The following SLC16A4 variants were observed in gnomAD, a reference collection of about 807,000 sequenced individuals.
The protein encoded by SLC16A4 is solute carrier family 16 member 4, also known as probable monocarboxylate transporter 5.
SLC16A4 carries 39 observed loss-of-function variants against 47.9 expected under a neutral mutation model. That is an observed-to-expected ratio of 0.81 (90% confidence interval 0.63 to 1.06). The LOEUF (loss-of-function observed/expected upper bound fraction) is 1.06, where lower values mean the gene tolerates loss of function less well. Among genes scored for constraint, SLC16A4 ranks in the 50% least tolerant of loss-of-function variants. The probability of loss-of-function intolerance (pLI) is 0.00; values close to 1 mark genes in which losing one functional copy is unlikely to be tolerated. For synonymous variants in SLC16A4, 189 were observed against 199.9 expected, an observed-to-expected ratio of 0.95 and a Z score of 0.46; for missense variants, 524 against 573.8, an observed-to-expected ratio of 0.91 and a Z score of 0.89.
chr1:110,364,869 C>T (rs1485900301), intron 8 of SLC16A4, among the ~76,000 whole-genome samples: 1 of 151,414 alleles, frequency 6.6e-6, no homozygotes, highest in Non-Finnish European at 1.5e-5. Context: ...GCTAATGGCA[C>T]ATACTAAAAC....
At chr1:110,376,386 A>C (rs1662002695) in intron 7 of SLC16A4, among the ~76,000 whole-genome samples, 1 of 152,200 alleles carries the variant, frequency 6.6e-6, no homozygotes. Flanking sequence ...TTCTAAGGAG[A>C]ACCCATGAGA....
At chr1:110,388,999 C>T (rs965680913) in intron 2 of SLC16A4, among the ~76,000 whole-genome samples, 2 of 152,242 alleles carry the variant, frequency 1.3e-5, no homozygotes, top group African/African-American at 4.8e-5. Flanking sequence ...TGTGAGCCCC[C>T]ACACCCAGCC....
chr1:110,372,661 T>C (rs1448176893), intron 8 of SLC16A4: 1 of 152,226 alleles, frequency 6.6e-6, no homozygotes, highest in African/African-American at 2.4e-5. Flanking sequence ...TGGCACAGCA[T>C]TGCAGTTAGA....
chr1:110,387,140 A>C (rs746059314), intron 2 of SLC16A4, among the ~76,000 whole-genome samples: 25 of 152,090 alleles, frequency 1.6e-4, no homozygotes, highest in Admixed American at 3.3e-4. Flanking sequence ...CCATCCATCT[A>C]TCCATCCACC....
chr1:110,374,158 G>C (rs983997781), intron 8 of SLC16A4, among the ~76,000 whole-genome samples: 8 of 152,090 alleles, frequency 5.3e-5, no homozygotes, highest in African/African-American at 1.9e-4. Context: ...TCCTGCCTCA[G>C]CCTCCCAAGT....
chr1:110,388,335 G>A (rs1662843684), intron 2 of SLC16A4, among the ~76,000 whole-genome samples: 2 of 152,282 alleles, frequency 1.3e-5, no homozygotes, highest in African/African-American at 4.8e-5. Context: ...AGTTGCTTAT[G>A]GGTAAAGGAG....
chr1:110,383,590 T>C (rs1264154591), intron 2 of SLC16A4, among the ~76,000 whole-genome samples: 1 of 152,118 alleles, frequency 6.6e-6, no homozygotes, highest in Non-Finnish European at 1.5e-5. Flanking sequence ...ATGCAGGGCC[T>C]GCAAATTATC....
rs774890720 is a variant in SLC16A4, at chr1:110,379,182, T to G, written c.701A>C (p.Glu234Ala). ...ATETHCHETE[E>A]STIKDSTTQK... ...CGTAGTACTGTCCTTGATGGTAGAC[T>G]CTTCTGTCTCATGGCAGTGTGTTTC... Residue 234 changes from glutamate (E) to alanine (A), a missense_variant, in exon 6 of 9, where the codon GAG becomes GCG. Glu to Ala is a moderately radical substitution (Grantham distance 107). Transcript: ENST00000369779. 1.1e-4 allele frequency: 173 copies of G among 1,614,180 alleles called. 1 individual carries two copies. Among genetic ancestry groups the G allele is most frequent in the Non-Finnish European group, 1.4e-4 (168 of 1,180,006 alleles).
In SLC16A4 at chr1:110,368,032, G is replaced by A. The variant is rs1157534425; in HGVS notation, c.1337-4139C>T. Among the ~76,000 whole-genome samples the A allele has an allele frequency of 2.0e-5, 3 of 152,154 alleles. No homozygotes were observed. In the East Asian group the frequency reaches 5.8e-4, roughly 29 times the overall value. ...TTTAGTAGAGACAGGGTTTCACCAT[G>A]TTAGCCAGGATGGTCTCGATCTCCT... On this transcript the variant is annotated intron_variant, in intron 8 of 8. Coordinates refer to ENST00000369779, the MANE Select transcript of SLC16A4 (RefSeq NM_004696.3).
chr1:110,377,838 A>G (rs1004295115), intron 6 of SLC16A4, among the ~76,000 whole-genome samples: 1 of 151,902 alleles, frequency 6.6e-6, no homozygotes, highest in African/African-American at 2.4e-5. Context: ...TTATTTTATT[A>G]TTATTTTTTG....
rs1662484629 is a variant in SLC16A4, at chr1:110,382,842, A to T, written c.212T>A (p.Phe71Tyr). The change falls in exon 3 of 9, where the codon TTT (phenylalanine) becomes TAT (tyrosine). Residue 71 changes from phenylalanine to tyrosine, a missense_variant. Coordinates refer to ENST00000369779, the MANE Select transcript of SLC16A4 (RefSeq NM_004696.3). ...TATTGCCAGCTTTATACCTGCACAA[A>T]AACGAAGAGATGACATGATGGATCC... ...WIGSIMSSLR[F>Y]CAGPLVAIIC... The T allele has an allele frequency of 6.2e-7, 1 of 1,602,790 alleles. No individual in the cohort carries two copies. The highest frequency in any genetic ancestry group is 8.5e-7 in the Non-Finnish European group (1 of 1,172,832).
chr1:110,376,173 G>A (rs915586211), intron 7 of SLC16A4, among the ~76,000 whole-genome samples: 3 of 152,092 alleles, frequency 2.0e-5, no homozygotes, highest in African/African-American at 7.2e-5. Context: ...CACCACGCCC[G>A]GCCAGACGGT....
intron 7 of SLC16A4, 110 bp from the exon 8 acceptor site, chr1:110,375,661 C>G (rs1661959068): frequency 1.6e-6 from 1 of 609,796 alleles, no homozygotes; most frequent in African/African-American, 1.8e-5. Flanking sequence ...TGAACAGTGA[C>G]TTCTGGGGTG....
intron 5 of SLC16A4, 81 bp from the exon 6 acceptor site, chr1:110,379,437 C>A: frequency 7.6e-7 from 1 of 1,314,444 alleles, no homozygotes; most frequent in South Asian, 1.4e-5. Flanking sequence ...CAGAAGAGGC[C>A]CCACTGGCAT....
chr1:110,383,705 C>T (rs1261362405), intron 2 of SLC16A4, among the ~76,000 whole-genome samples: 2 of 146,368 alleles, frequency 1.4e-5, no homozygotes, highest in African/African-American at 5.1e-5. Flanking sequence ...ACCATAATTT[C>T]TAATCTTATG....
At chr1:110,366,351 G>T (rs538796435) in intron 8 of SLC16A4, among the ~76,000 whole-genome samples, 1 of 152,020 alleles carries the variant, frequency 6.6e-6, no homozygotes, top group East Asian at 1.9e-4. Context: ...GTAGAGATGG[G>T]GTTTCGCCAT....
intron 2 of SLC16A4, among the ~76,000 whole-genome samples, chr1:110,387,902 C>T (rs906308689): frequency 1.2e-5 from 1 of 85,688 alleles, no homozygotes; most frequent in African/African-American, 4.6e-5. Flanking sequence ...TTTTGTATTA[C>T]ATAAATCCTG....
In SLC16A4 at chr1:110,379,334, A is replaced by G. The variant is rs759614470; in HGVS notation, c.549T>C (p.Ala183=). The change falls in exon 6 of 9, where the codon GCT becomes GCC. Residue 183 remains alanine, a synonymous_variant. Transcript: ENST00000369779. ...DWTGALILFG[A]IALNLVPSSM... The stretch of plus-strand genomic sequence containing the variant: ...TAGAAGGCACCAAATTCAATGCGAT[A>G]GCTCCAAATAATATAAGGGCTCCTA... 2 of 1,601,828 alleles carry G rather than the reference A, an allele frequency of 1.2e-6. No individual in the cohort carries two copies. The highest frequency in any genetic ancestry group is 1.7e-6 in the Non-Finnish European group (2 of 1,170,886).
intron 7 of SLC16A4, 58 bp from the exon 8 acceptor site, chr1:110,375,609 A>G (rs990341112): frequency 2.2e-5 from 21 of 942,626 alleles, no homozygotes; most frequent in African/African-American, 4.8e-5. Context: ...ATAGAGACCT[A>G]TGCCTAAAAG....
Sources: gnomAD v4.1 joint callset for allele counts (sites outside exome capture counted in the v4.1 genomes callset) on GRCh38, gnomAD v4.1.1 for gene constraint, MANE v1.5 for transcripts, NCBI Gene and HGNC (gene_info 2026-07-23, HGNC 2026-07-21) for gene names.